Variants in GALR1 observed in about 807,000 individuals in gnomAD.
GALR1 encodes galanin receptor type 1.
A neutral mutation model predicts 17.9 loss-of-function variants in GALR1; 11 were observed. That is an observed-to-expected ratio of 0.62 (90% CI 0.39 to 1.02). The LOEUF is 1.02. Ranked by LOEUF, GALR1 falls within the 50% of genes least tolerant of loss-of-function variation. GALR1 has a pLI of 0.01. For missense variants in GALR1, 441 were observed against 456.9 expected (o/e 0.97, Z 0.32); for synonymous variants, 206 against 205.7 (o/e 1.00, Z -0.01).
intron 2 of GALR1, among the ~76,000 whole-genome samples, chr18:77,258,848 G>C (rs1468555913): frequency 5.9e-5 from 8 of 136,564 alleles, no homozygotes; most frequent in African/African-American, 2.4e-4. Context: ...GGTGATGGTG[G>C]TGGTGATGGT....
rs1599367617 is a variant in GALR1 at position 77,272,736 on chromosome 18, T to C, written c.*3834T>C. 6.6e-6 allele frequency: 1 copy of C among 152,264 alleles called. No individual in the cohort carries two copies. The highest frequency in any genetic ancestry group is 1.9e-4 in the East Asian group (1 of 5,202). 9.4% of individuals were successfully genotyped at this position (152,264 alleles called of 1,614,324 possible). A position where few individuals can be genotyped will look rare whatever the true frequency, so the allele number is the denominator to read the frequency against. ...AGTAGATGTTAATGACTTGTTTAATTATTGACTTACTTATTTTAAAAGCTG... is the reference window on the plus strand; with the variant it reads ...AGTAGATGTTAATGACTTGTTTAATCATTGACTTACTTATTTTAAAAGCTG... On this transcript the variant is annotated 3_prime_UTR_variant, in exon 3 of 3. Coordinates refer to ENST00000299727, the MANE Select transcript of GALR1 (RefSeq NM_001480.4).
Position 77,251,147 on chromosome 18 carries a change from A to AC in GALR1, c.600dup (p.Val201ArgfsTer25), listed in dbSNP as rs1252677126. ...CCCGACCCTCGCCACAAGAAGGCCT[A>AC]CGTGGTGTGCACCTTCGTCTTCGGC... is the stretch of plus-strand genomic sequence containing the variant. On this transcript the variant is annotated frameshift_variant, in exon 1 of 3. Transcript: ENST00000299727. LOFTEE classifies it high-confidence loss of function. 6.2e-7 allele frequency: 1 copy of AC among 1,613,096 alleles called. No individual in the cohort carries two copies. The highest frequency in any genetic ancestry group is 1.1e-5 in the South Asian group (1 of 91,078).
At chr18:77,260,999 GGTT>G (rs375006663) in intron 2 of GALR1, among the ~76,000 whole-genome samples, 2,164 of 35,084 alleles carry the variant, frequency 0.062, 51 homozygotes, top group African/African-American at 0.11. Flanking sequence ...CAATTTGTGA[GGTT>G]TTTTTTTTTT....
chr18:77,258,829 G>A, intron 2 of GALR1, among the ~76,000 whole-genome samples: 1 of 93,284 alleles, frequency 1.1e-5, no homozygotes, highest in Admixed American at 1.0e-4. Context: ...TGGTGGTGCT[G>A]GTGATGGTGG....
intron 1 of GALR1, among the ~76,000 whole-genome samples, chr18:77,254,666 G>A (rs1334605820): frequency 6.6e-6 from 1 of 152,176 alleles, no homozygotes; most frequent in Non-Finnish European, 1.5e-5. Context: ...GCCTCCTCCA[G>A]CCCTTTCCTT....
chr18:77,259,698 T>TGGC (rs879731815), intron 2 of GALR1, among the ~76,000 whole-genome samples: 14 of 149,864 alleles, frequency 9.3e-5, no homozygotes, highest in Non-Finnish European at 1.5e-4. Context: ...GCAATTGTGG[T>TGGC]GATGGTGGTG....
At chr18:77,254,561 C>T (rs1452636591) in intron 1 of GALR1, among the ~76,000 whole-genome samples, 2 of 152,220 alleles carry the variant, frequency 1.3e-5, no homozygotes, top group Non-Finnish European at 2.9e-5. Context: ...GTTGTCTCTC[C>T]TGTGTCCTCA....
In GALR1 at chr18:77,251,098, C is replaced by G; in HGVS notation, c.550C>G (p.Gln184Glu). 1 of 1,612,222 alleles carries G rather than the reference C, an allele frequency of 6.2e-7. No individual in the cohort carries two copies. The change falls in exon 1 of 3, where the codon CAG becomes GAG. Residue 184 changes from glutamine (Q) to glutamate (E), a missense_variant. Gln to Glu is a conservative substitution (Grantham distance 29). Transcript: ENST00000299727. ...QGLFHPRASN[Q>E]TFCWEQWPDP... is the part of the protein sequence containing the mutation. ...CCTCTTCCACCCGCGCGCCAGCAAC[C>G]AGACCTTCTGCTGGGAGCAGTGGCC... is the stretch of plus-strand genomic sequence containing the variant.
At chr18:77,256,062 T>C (rs1213782406) in intron 1 of GALR1, 96 bp from the exon 2 acceptor site, 2 of 713,650 alleles carry the variant, frequency 2.8e-6, no homozygotes, top group Non-Finnish European at 2.5e-6. Flanking sequence ...TAAATAGTGA[T>C]GTTACCATTT....
intron 2 of GALR1, among the ~76,000 whole-genome samples, chr18:77,261,124 G>C (rs1375699781): frequency 2.0e-5 from 3 of 151,994 alleles, no homozygotes; most frequent in Non-Finnish European, 4.4e-5. Flanking sequence ...ATTTGAAAAA[G>C]AGCATCTCAC....
At chr18:77,252,536 T>C (rs1323458411) in intron 1 of GALR1, among the ~76,000 whole-genome samples, 3 of 152,212 alleles carry the variant, frequency 2.0e-5, no homozygotes, top group South Asian at 2.1e-4. Context: ...TTTTGAATAA[T>C]AATATTGCTG....
At position 77,250,785 on chromosome 18, in the gene GALR1, C is replaced by A; in HGVS notation, c.237C>A (p.Ile79=). Residue 79 remains isoleucine, a synonymous_variant, in exon 1 of 3, where the codon ATC becomes ATA. Coordinates refer to ENST00000299727, the MANE Select transcript of GALR1 (RefSeq NM_001480.4). The part of the protein sequence containing the change: ...TTNLFILNLS[I]ADLAYLLFCI... ...ACCTGTTCATCCTCAACCTGAGCAT[C>A]GCCGACCTGGCCTACCTGCTCTTCT... is the stretch of plus-strand genomic sequence containing the variant. The A allele has an allele frequency of 1.9e-6, 3 of 1,614,022 alleles. No homozygotes were observed. Among genetic ancestry groups the A allele is most frequent in the South Asian group, 2.2e-5 (2 of 91,090 alleles).
chr18:77,275,618 G>A lies in GALR1; in HGVS notation c.*6716G>A, dbSNP rs1027888393. ...CAAAGATCCAAGAAAGCAGAAGAGT[G>A]GGGGTGGGAGTGGGGCTAAATGTGT... On this transcript the variant is annotated 3_prime_UTR_variant, in exon 3 of 3. Transcript: ENST00000299727. 1 of 152,326 alleles carries A rather than the reference G, an allele frequency of 6.6e-6. No individual in the cohort carries two copies. Among genetic ancestry groups the A allele is most frequent in the Middle Eastern group, 3.4e-3 (1 of 294 alleles). The allele number at this position is 152,326 out of a possible 1,614,324, so 9.4% of individuals were successfully genotyped here.
At chr18:77,264,056 C>T (rs187795930) in intron 2 of GALR1, among the ~76,000 whole-genome samples, 183 of 132,292 alleles carry the variant, frequency 1.4e-3, no homozygotes, top group Non-Finnish European at 2.8e-4. Context: ...ATCGCTTGAA[C>T]GTGGGAGATG....
chr18:77,264,508 A>G (rs1409630441), intron 2 of GALR1, among the ~76,000 whole-genome samples: 10 of 151,964 alleles, frequency 6.6e-5, no homozygotes, highest in Non-Finnish European at 1.3e-4. Flanking sequence ...ACCCTTCATC[A>G]CATCTGTATG....
chr18:77,252,945 CACCA>C (rs1427221138), intron 1 of GALR1, among the ~76,000 whole-genome samples: 1 of 74,170 alleles, frequency 1.3e-5, no homozygotes, highest in Non-Finnish European at 3.2e-5. Flanking sequence ...CCACCACCAC[CACCA>C]TCACCACCAT....
At chr18:77,260,358 G>A (rs1275180238) in intron 2 of GALR1, among the ~76,000 whole-genome samples, 1 of 151,854 alleles carries the variant, frequency 6.6e-6, no homozygotes, top group African/African-American at 2.4e-5. Context: ...GCAGCTCTCT[G>A]GGCCTCTTTC....
At chr18:77,259,426 G>GTCATGGTGGTGATGATGGTGA (rs1289367968) in intron 2 of GALR1, among the ~76,000 whole-genome samples, 5 of 149,926 alleles carry the variant, frequency 3.3e-5, no homozygotes, top group Admixed American at 6.6e-5. Context: ...GGTGATGATG[G>GTCATGGTGGTGATGATGGTGA]TCATGGTGGT....
Position 77,256,158 on chromosome 18 carries a change from G to A in GALR1, c.667G>A (p.Val223Ile). Residue 223 changes from valine to isoleucine, a missense_variant and splice_region_variant, in exon 2 of 3, where the codon GTC (valine) becomes ATC (isoleucine). Val to Ile is a conservative substitution (Grantham distance 29). Coordinates refer to ENST00000299727, the MANE Select transcript of GALR1 (RefSeq NM_001480.4). ...GATTTCAATAGTCTGTGTCTTTCAG[G>A]TCCTTAATCACTTGCATAAAAAGTT... ...LLLICFCYAK[V>I]LNHLHKKLKN... The A allele has an allele frequency of 1.9e-6, 3 of 1,592,156 alleles. No homozygotes were observed. The highest frequency in any genetic ancestry group is 2.6e-6 in the Non-Finnish European group (3 of 1,160,386).
Sources: allele counts gnomAD v4.1 joint callset (sites outside exome capture counted in the v4.1 genomes callset), GRCh38; gene constraint gnomAD v4.1.1; transcripts MANE v1.5; gene names NCBI Gene and HGNC (gene_info 2026-07-23, HGNC 2026-07-21).